Variants in SH3KBP1 observed in about 807,000 individuals in gnomAD.
SH3KBP1 encodes SH3 domain containing kinase binding protein 1.
A neutral mutation model predicts 50.1 loss-of-function variants in SH3KBP1; 8 were observed. The observed-to-expected ratio is 0.16, with a 90% CI of 0.09 to 0.29. SH3KBP1 has a LOEUF of 0.29. SH3KBP1 is among the 10% of genes least tolerant of loss of function. The pLI is 1.00. For synonymous variants in SH3KBP1, 227 were observed against 218.6 expected, an observed-to-expected ratio of 1.04 and a Z score of -0.34; for missense variants, 377 against 535.2, an observed-to-expected ratio of 0.70 and a Z score of 2.92.
At chrX:19,653,858 A>G (rs1293351189) in intron 6 of SH3KBP1, among the ~76,000 whole-genome samples, 1 of 107,883 alleles carries the variant, frequency 9.3e-6, no homozygotes, top group Non-Finnish European at 1.9e-5. Flanking sequence ...GTTCAGAAGA[A>G]ACTCCAGGGT....
At chrX:19,861,326 G>A (rs61085310) in intron 1 of SH3KBP1, among the ~76,000 whole-genome samples, 2,388 of 109,153 alleles carry the variant, frequency 0.022, 46 homozygotes, top group African/African-American at 0.064. Context: ...GCAGTGAGCC[G>A]AGATCCCGCC....
At chrX:19,653,164 T>C (rs191334219) in intron 6 of SH3KBP1, among the ~76,000 whole-genome samples, 25 of 111,134 alleles carry the variant, frequency 2.2e-4, no homozygotes, top group African/African-American at 8.2e-4. Flanking sequence ...TAATTTTATT[T>C]TTCAGTAGAG....
At chrX:19,691,227 C>T (rs1168596145) in intron 5 of SH3KBP1, among the ~76,000 whole-genome samples, 8 of 107,480 alleles carry the variant, frequency 7.4e-5, no homozygotes, top group Non-Finnish European at 1.5e-4. Context: ...AAAAGTAGGA[C>T]GGCCAGACAT....
intron 5 of SH3KBP1, among the ~76,000 whole-genome samples, chrX:19,694,472 C>T (rs763272641): frequency 9.0e-6 from 1 of 110,839 alleles, no homozygotes; most frequent in Non-Finnish European, 1.9e-5. Context: ...CGTTTCCCCC[C>T]CCAACCCCTT....
At chrX:19,752,306 C>A (rs779167436) in intron 2 of SH3KBP1, among the ~76,000 whole-genome samples, 1 of 111,995 alleles carries the variant, frequency 8.9e-6, no homozygotes, top group African/African-American at 3.3e-5. Flanking sequence ...TAAAAGAGGT[C>A]TAACAACAAA....
chrX:19,865,149 A>C (rs1826182702), intron 1 of SH3KBP1, among the ~76,000 whole-genome samples: 1 of 112,539 alleles, frequency 8.9e-6, no homozygotes, highest in Admixed American at 9.4e-5. Flanking sequence ...TGAGCAATGG[A>C]AGTTAGGCCT....
At chrX:19,816,790 G>A (rs1401189312) in intron 2 of SH3KBP1, among the ~76,000 whole-genome samples, 2 of 111,465 alleles carry the variant, frequency 1.8e-5, no homozygotes, top group Admixed American at 9.5e-5. Context: ...CCTGGGCAAC[G>A]GAGCAAAAAC....
chrX:19,762,532 A>G (rs1433334768), intron 2 of SH3KBP1, among the ~76,000 whole-genome samples: 2 of 110,877 alleles, frequency 1.8e-5, no homozygotes, highest in Non-Finnish European at 3.8e-5. Flanking sequence ...TTTGACCCCC[A>G]CTATGATTCC....
chrX:19,880,821 T>C (rs1281168699), intron 1 of SH3KBP1, among the ~76,000 whole-genome samples: 1 of 110,915 alleles, frequency 9.0e-6, no homozygotes, highest in Non-Finnish European at 1.9e-5. Flanking sequence ...CGGTGAAAGA[T>C]AGGAGATGCC....
chrX:19,634,131 C>T (rs1194005171), intron 7 of SH3KBP1, among the ~76,000 whole-genome samples: 2 of 66,184 alleles, frequency 3.0e-5, no homozygotes, highest in Non-Finnish European at 5.9e-5. Flanking sequence ...ACGGAGAGAC[C>T]GAGAGACACA....
At chrX:19,860,182 T>C (rs996601479) in intron 1 of SH3KBP1, among the ~76,000 whole-genome samples, 3 of 105,283 alleles carry the variant, frequency 2.8e-5, no homozygotes, top group Admixed American at 2.1e-4. Context: ...GGCAGGAGGA[T>C]CACTTGAGCC....
At chrX:19,783,920 G>A (rs2066261378) in intron 2 of SH3KBP1, among the ~76,000 whole-genome samples, 1 of 111,207 alleles carries the variant, frequency 9.0e-6, no homozygotes, top group Admixed American at 9.6e-5. Context: ...AGACATTAGG[G>A]AACTCAATTT....
At chrX:19,819,131 G>A (rs1031482906) in intron 2 of SH3KBP1, among the ~76,000 whole-genome samples, 7 of 111,802 alleles carry the variant, frequency 6.3e-5, no homozygotes, top group African/African-American at 2.3e-4. Context: ...CTTTGGGTAA[G>A]TTTTGGTAGT....
At chrX:19,839,951 T>C (rs1173594956) in intron 1 of SH3KBP1, among the ~76,000 whole-genome samples, 1 of 112,631 alleles carries the variant, frequency 8.9e-6, no homozygotes, top group Admixed American at 9.4e-5. Context: ...GCTACTAAAA[T>C]GTCAAGTGTC....
chrX:19,546,194 C>CATAACAGCACACTT, intron 14 of SH3KBP1, 144 bp from the exon 15 acceptor site: 1 of 621,787 alleles, frequency 1.6e-6, no homozygotes, highest in Non-Finnish European at 2.4e-6. Flanking sequence ...AAAAAGTGTG[C>CATAACAGCACACTT]TGTTATGCAC....
At chrX:19,793,920 G>A (rs181926713) in intron 2 of SH3KBP1, among the ~76,000 whole-genome samples, 186 of 110,937 alleles carry the variant, frequency 1.7e-3, no homozygotes, top group Non-Finnish European at 2.3e-3. Context: ...AAGTGATGTG[G>A]CTTCTCTGTG....
intron 3 of SH3KBP1, among the ~76,000 whole-genome samples, chrX:19,725,842 C>G (rs1433980890): frequency 1.8e-5 from 2 of 112,229 alleles, no homozygotes; most frequent in Non-Finnish European, 3.8e-5. Context: ...AAACCTGGGC[C>G]CTGACAAGCC....
chrX:19,593,937 G>T (rs950785410), intron 10 of SH3KBP1, among the ~76,000 whole-genome samples: 12 of 112,277 alleles, frequency 1.1e-4, no homozygotes, highest in African/African-American at 3.9e-4. Context: ...CGGAGCAAAA[G>T]ATGTAATTAA....
intron 6 of SH3KBP1, among the ~76,000 whole-genome samples, chrX:19,656,604 A>T (rs1245713627): frequency 1.8e-5 from 2 of 111,911 alleles, no homozygotes; most frequent in Non-Finnish European, 3.8e-5. Flanking sequence ...TACTAAGTTC[A>T]GACTCCGATT....
Sources: allele counts gnomAD v4.1 joint callset (sites outside exome capture counted in the v4.1 genomes callset), GRCh38; gene constraint gnomAD v4.1.1; transcripts MANE v1.5; gene names NCBI Gene and HGNC (gene_info 2026-07-23, HGNC 2026-07-21).